Variants in VPS33A observed in about 807,000 individuals in gnomAD.
The protein encoded by VPS33A is VPS33A core subunit of CORVET and HOPS complexes, also known as vacuolar protein sorting-associated protein 33A.
A neutral mutation model predicts 71.8 loss-of-function variants in VPS33A; 32 were observed. The observed-to-expected ratio is 0.45, with a 90% CI of 0.34 to 0.60. VPS33A has a LOEUF of 0.60. Ranked by LOEUF, VPS33A falls within the 20% of genes least tolerant of loss-of-function variation. The pLI, the probability that VPS33A is intolerant of heterozygous loss-of-function variation, is 0.02. For missense variants in VPS33A, 625 were observed against 748.5 expected (o/e 0.84, Z 1.92); for synonymous variants, 311 against 292.7 (o/e 1.06, Z -0.64).
At chr12:122,239,995 C>T (rs753961285) in intron 8 of VPS33A, 50 bp from the exon 9 acceptor site, 2 of 1,370,592 alleles carry the variant, frequency 1.5e-6, no homozygotes, top group South Asian at 1.2e-5. Flanking sequence ...TGTTAATTTA[C>T]TTGAGTGGCA....
intron 7 of VPS33A, among the ~76,000 whole-genome samples, chr12:122,243,988 T>C (rs1403879725): frequency 2.6e-5 from 4 of 152,186 alleles, no homozygotes; most frequent in African/African-American, 7.2e-5. Flanking sequence ...GTTTCCAAAG[T>C]TGAAATATTC....
At chr12:122,246,472 G>T (rs1043364337) in intron 6 of VPS33A, among the ~76,000 whole-genome samples, 3 of 150,104 alleles carry the variant, frequency 2.0e-5, no homozygotes, top group African/African-American at 7.4e-5. Flanking sequence ...ACTAATTTTT[G>T]TACTTTTAGT....
chr12:122,251,520 G>A (rs1312237981), intron 4 of VPS33A, among the ~76,000 whole-genome samples: 1 of 152,206 alleles, frequency 6.6e-6, no homozygotes, highest in Admixed American at 6.5e-5. Context: ...AAGACCACAG[G>A]ACGAATACTT....
At chr12:122,251,408 A>G (rs1188930198) in intron 4 of VPS33A, among the ~76,000 whole-genome samples, 1 of 152,218 alleles carries the variant, frequency 6.6e-6, no homozygotes, top group African/African-American at 2.4e-5. Flanking sequence ...AAAAGACGGA[A>G]GAATACAGAC....
chr12:122,235,351 G>A (rs1954615885), intron 11 of VPS33A, among the ~76,000 whole-genome samples: 1 of 147,700 alleles, frequency 6.8e-6, no homozygotes, highest in African/African-American at 2.5e-5. Context: ...TACAACCTCC[G>A]CCTCCCAGGT....
chr12:122,255,462 C>G (rs10744155), intron 4 of VPS33A, among the ~76,000 whole-genome samples: 5 of 152,230 alleles, frequency 3.3e-5, no homozygotes, highest in Non-Finnish European at 5.9e-5. Flanking sequence ...TCCCAGCACT[C>G]TGGGAGGCCG....
chr12:122,250,876 T>C lies in VPS33A; in HGVS notation c.600+107A>G. Reference sequence around the variant, plus strand: ...GGCAAATTCATGAGTACAGTATTCATAAATAATTAAGATCAACTGAATTTG... The same window carrying C: ...GGCAAATTCATGAGTACAGTATTCACAAATAATTAAGATCAACTGAATTTG... On this transcript the variant is annotated intron_variant, in intron 5 of 12. Coordinates refer to ENST00000267199, the MANE Select transcript of VPS33A (RefSeq NM_022916.6). 5 of 813,116 alleles carry C rather than the reference T, an allele frequency of 6.1e-6. No homozygotes were observed. In the South Asian group the frequency reaches 8.1e-5, roughly 13 times the overall value. The allele number at this position is 813,116 out of a possible 1,614,324, so 50.4% of individuals were successfully genotyped here.
chr12:122,248,021 T>TGA (rs1954797885), intron 6 of VPS33A: 2 of 152,212 alleles, frequency 1.3e-5, no homozygotes, highest in South Asian at 4.1e-4. Context: ...CTCAGCCTCC[T>TGA]GAGTAGCTGG....
rs1034163263 is a variant in VPS33A at position 122,230,180 on chromosome 12, A to G, written c.*2066T>C. On this transcript the variant is annotated 3_prime_UTR_variant, in exon 13 of 13. Transcript: ENST00000267199. ...GCCAAATTAATTCCATGAGAAACTA[A>G]TCTTTCAATTATTATCTCTGCCACT... 6.6e-6 allele frequency: 1 copy of G among 152,240 alleles called. No homozygotes were observed. The highest frequency in any genetic ancestry group is 2.4e-5 in the African/African-American group (1 of 41,462). 9.4% of individuals were successfully genotyped at this position (152,240 alleles called of 1,614,324 possible).
chr12:122,239,976 G>C (rs149607241), intron 8 of VPS33A, 31 bp from the exon 9 acceptor site: 4 of 1,505,182 alleles, frequency 2.7e-6, no homozygotes, highest in East Asian at 4.5e-5. Flanking sequence ...TTGCAACTTA[G>C]AAATTAAATG....
intron 4 of VPS33A, among the ~76,000 whole-genome samples, chr12:122,260,873 G>A (rs1209380775): frequency 6.6e-6 from 1 of 152,194 alleles, no homozygotes; most frequent in Non-Finnish European, 1.5e-5. Flanking sequence ...TACTCAGGAG[G>A]CTGAGGCAGA....
At chr12:122,249,792 G>T in intron 6 of VPS33A, 79 bp downstream of exon 6, 2 of 1,320,512 alleles carry the variant, frequency 1.5e-6, no homozygotes, top group Non-Finnish European at 2.1e-6. Context: ...GCTTAAGTGT[G>T]CAATATACAA....
rs1261146066 is a variant in VPS33A at position 122,244,674 on chromosome 12, C to G, written c.864G>C (p.Gln288His). ...CATAGAGCTCCTCTGCAGAATTCAG[C>G]TGCAGCTTCTTTGCTTCCGTGGGGA... The part of the protein sequence containing the change: ...KDLPTEAKKL[Q>H]LNSAEELYAE... Residue 288 changes from glutamine to histidine, a missense_variant, in exon 7 of 13, where the codon CAG (glutamine) becomes CAC (histidine). Physicochemically the swap from Gln to His is conservative, Grantham distance 24. Coordinates refer to ENST00000267199, the MANE Select transcript of VPS33A (RefSeq NM_022916.6). 1 of 1,614,182 alleles carries G rather than the reference C, an allele frequency of 6.2e-7. No homozygotes were observed. Among genetic ancestry groups the G allele is most frequent in the Admixed American group, 1.7e-5 (1 of 60,012 alleles).
At chr12:122,256,515 G>A (rs1288114176) in intron 4 of VPS33A, among the ~76,000 whole-genome samples, 1 of 151,890 alleles carries the variant, frequency 6.6e-6, no homozygotes, top group African/African-American at 2.4e-5. Flanking sequence ...TGGAAGTTGC[G>A]GTGAGACGAG....
chr12:122,245,322 A>G (rs1377809885), intron 6 of VPS33A, among the ~76,000 whole-genome samples: 1 of 152,170 alleles, frequency 6.6e-6, no homozygotes, highest in Non-Finnish European at 1.5e-5. Context: ...ATGTGTGTAT[A>G]TACTGGCTCA....
At chr12:122,266,172 T>G in intron 1 of VPS33A, 135 bp downstream of exon 1, 1 of 1,330,968 alleles carries the variant, frequency 7.5e-7, no homozygotes. Context: ...GGGGTGCAGG[T>G]AAAAGGGCCC....
At chr12:122,250,894 T>C in intron 5 of VPS33A, 89 bp downstream of exon 5, 1 of 909,218 alleles carries the variant, frequency 1.1e-6, no homozygotes, top group Non-Finnish European at 1.7e-6. Flanking sequence ...TAAGATCAAC[T>C]GAATTTGTTT....
intron 4 of VPS33A, among the ~76,000 whole-genome samples, chr12:122,252,052 G>A (rs1954852080): frequency 6.6e-6 from 1 of 151,982 alleles, no homozygotes; most frequent in African/African-American, 2.4e-5. Context: ...GAGCTCTTGA[G>A]TTTGAGACCA....
chr12:122,265,281 G>T (rs1185938705), intron 1 of VPS33A, among the ~76,000 whole-genome samples: 1 of 152,064 alleles, frequency 6.6e-6, no homozygotes, highest in Non-Finnish European at 1.5e-5. Flanking sequence ...AGGCCATATA[G>T]ACCTTGGACC....
Sources: gnomAD v4.1 joint callset for allele counts (sites outside exome capture counted in the v4.1 genomes callset) on GRCh38, gnomAD v4.1.1 for gene constraint, MANE v1.5 for transcripts, NCBI Gene and HGNC (gene_info 2026-07-23, HGNC 2026-07-21) for gene names.